The following B4GALNT2 variants were observed in gnomAD, a reference collection of about 807,000 sequenced individuals.
The protein encoded by B4GALNT2 is N-acetylneuraminylgalactosylglucosyl-glucoside beta-1,4-N- acetylgalactosaminyltransferase 2.
A neutral mutation model predicts 51.1 loss-of-function variants in B4GALNT2; 42 were observed. The observed-to-expected ratio is 0.82, with a 90% confidence interval of 0.64 to 1.06. B4GALNT2 has a LOEUF of 1.06. Among genes scored for constraint, B4GALNT2 ranks in the 50% least tolerant of loss-of-function variants. The probability of loss-of-function intolerance (pLI) is 0.00; values close to 1 mark genes in which losing one functional copy is unlikely to be tolerated. For missense variants in B4GALNT2, 602 were observed against 633.6 expected (o/e 0.95, Z 0.54); for synonymous variants, 253 against 251.7 (o/e 1.01, Z -0.05).
At chr17:49,152,695 T>C in intron 3 of B4GALNT2, 105 bp from the exon 4 acceptor site, 1 of 763,804 alleles carries the variant, frequency 1.3e-6, no homozygotes, top group Non-Finnish European at 2.0e-6. Context: ...AATTTTGATT[T>C]CTCCATATTG....
chr17:49,120,881 C>T, the B4GALNT2 span, among the ~76,000 whole-genome samples: 23,732 of 151,988 alleles, frequency 0.16, 2,041 homozygotes, highest in South Asian at 0.26. Flanking sequence ...CACTGAGATC[C>T]TAGGGCAATC....
At chr17:49,168,297 A>G (rs143689537) in intron 9 of B4GALNT2, among the ~76,000 whole-genome samples, 1 of 152,326 alleles carries the variant, frequency 6.6e-6, no homozygotes, top group African/African-American at 2.4e-5. Flanking sequence ...TCCCTGCAAG[A>G]AATCTAGCAA....
At position 49,171,036 on chromosome 17, in the gene B4GALNT2, C is replaced by T. The variant is rs1224718469; in HGVS notation, c.*1308C>T. 1.8e-5 allele frequency: 3 copies of T among 162,694 alleles called. No homozygotes were observed. Among genetic ancestry groups the T allele is most frequent in the African/African-American group, 7.2e-5 (3 of 41,472 alleles). The allele number at this position is 162,694 out of a possible 1,614,324, so 10.1% of individuals were successfully genotyped here. The stretch of plus-strand genomic sequence containing the variant: ...TTCCTTGCCCTTATTCTGATAAACC[C>T]ACAACCTTCAGTTTGGGCATCATGG... On this transcript the variant is annotated 3_prime_UTR_variant, in exon 11 of 11. Transcript: ENST00000393354.
At position 49,176,615 on chromosome 17, in the gene B4GALNT2, C is replaced by G. The variant is rs2042990470; in HGVS notation, c.*6887C>G. 6.6e-6 allele frequency: 1 copy of G among 152,218 alleles called. No individual in the cohort carries two copies. The highest frequency in any genetic ancestry group is 1.5e-5 in the Non-Finnish European group (1 of 68,052). The allele number at this position is 152,218 out of a possible 1,614,324, so 9.4% of individuals were successfully genotyped here. A position where few individuals can be genotyped will look rare whatever the true frequency, so the allele number is the denominator to read the frequency against. On this transcript the variant is annotated 3_prime_UTR_variant, in exon 11 of 11. Transcript: ENST00000393354. ...CCTTCAGTGTGTGCATCATGGCCAT[C>G]ATGAACATGTCACAGTGCTGCAGAG...
At chr17:49,126,495 AT>A in the B4GALNT2 span, among the ~76,000 whole-genome samples, 1 of 134,896 alleles carries the variant, frequency 7.4e-6, no homozygotes, top group Non-Finnish European at 1.7e-5. Context: ...AGAATGATCA[AT>A]AAAAAAAAAA....
chr17:49,169,085 C>T (rs897826344), intron 10 of B4GALNT2, among the ~76,000 whole-genome samples, 185 bp downstream of exon 10: 3 of 152,090 alleles, frequency 2.0e-5, no homozygotes, highest in Non-Finnish European at 4.4e-5. Flanking sequence ...TCCCTCCTCA[C>T]GTCTCTTTGA....
upstream of B4GALNT2, among the ~76,000 whole-genome samples, chr17:49,132,261 CAG>C (rs1257669174): frequency 7.2e-5 from 11 of 152,198 alleles, no homozygotes; most frequent in Non-Finnish European, 1.3e-4. Flanking sequence ...TGAAGTTCAA[CAG>C]ACTCTTTCTT....
Position 49,169,583 on chromosome 17 carries a change from G to A in B4GALNT2, c.1376G>A (p.Gly459Asp), listed in dbSNP as rs764010034. ...LVGSCPEVIIGHQSRSPVVDS... is the reference protein window; with the variant it reads ...LVGSCPEVIIDHQSRSPVVDS... ...GGGTCATGCCCAGAAGTGATTATAG[G>A]TCACCAGTCTCGGTCTCCAGTGGTG... Residue 459 changes from glycine (G) to aspartate (D), a missense_variant, in exon 11 of 11, where the codon GGT becomes GAT. Physicochemically the swap from Gly to Asp is moderately conservative, Grantham distance 94. Coordinates refer to ENST00000393354, the MANE Select transcript of B4GALNT2 (RefSeq NM_001159387.2). 2.5e-6 allele frequency: 4 copies of A among 1,612,978 alleles called. No individual in the cohort carries two copies. Among genetic ancestry groups the A allele is most frequent in the Non-Finnish European group, 3.4e-6 (4 of 1,180,012 alleles).
At chr17:49,159,302 G>A in intron 6 of B4GALNT2, 85 bp downstream of exon 6, 1 of 1,405,830 alleles carries the variant, frequency 7.1e-7, no homozygotes, top group Non-Finnish European at 9.8e-7. Flanking sequence ...CCTTCAGGAA[G>A]CCTTCCTGTT....
chr17:49,162,786 G>A (rs1431328182), intron 7 of B4GALNT2, among the ~76,000 whole-genome samples: 3 of 151,698 alleles, frequency 2.0e-5, no homozygotes, highest in Admixed American at 6.6e-5. Flanking sequence ...GGTGGTGCAC[G>A]TCTGTAGTCC....
In B4GALNT2 at chr17:49,141,325, G is replaced by A; in HGVS notation, c.93G>A (p.Met31Ile). 1.2e-6 allele frequency: 2 copies of A among 1,614,110 alleles called. No individual in the cohort carries two copies. Among genetic ancestry groups the A allele is most frequent in the Non-Finnish European group, 1.7e-6 (2 of 1,179,970 alleles). ...LGIVGFMFGS[M>I]FLQAVFSSPK... is the part of the protein sequence containing the mutation. ...TTGTTGGATTTATGTTCGGAAGCAT[G>A]TTCCTTCAAGCAGTGTTCAGCAGCC... Residue 31 changes from methionine (M) to isoleucine (I), a missense_variant, in exon 2 of 11, where the codon ATG becomes ATA. Physicochemically the swap from Met to Ile is conservative, Grantham distance 10. Transcript: ENST00000393354.
chr17:49,148,334 C>A, intron 3 of B4GALNT2: 1 of 361,514 alleles, frequency 2.8e-6, no homozygotes, highest in South Asian at 2.1e-5. Context: ...AAGTCCTCTC[C>A]AATTTTACTG....
At chr17:49,156,520 A>C in intron 4 of B4GALNT2, 46 bp from the exon 5 acceptor site, 1 of 1,607,512 alleles carries the variant, frequency 6.2e-7, no homozygotes, top group East Asian at 2.2e-5. Context: ...GGGAGCTGCG[A>C]TGTCTTTCAT....
At position 49,168,723 on chromosome 17, in the gene B4GALNT2, T is replaced by A. The variant is rs2042933053; in HGVS notation, c.1138T>A (p.Leu380Met). 6.2e-7 allele frequency: 1 copy of A among 1,614,032 alleles called. No individual in the cohort carries two copies. Among genetic ancestry groups the A allele is most frequent in the South Asian group, 1.1e-5 (1 of 91,066 alleles). The change falls in exon 10 of 11, where the codon TTG becomes ATG. Residue 380 changes from leucine (L) to methionine (M), a missense_variant. Coordinates refer to ENST00000393354, the MANE Select transcript of B4GALNT2 (RefSeq NM_001159387.2). ...GGGAAATGTGTTCCAGTTTAAGTTG[T>A]TGCTGGAACAGAGTGAGAATGGGGC... Reference protein sequence around the residue: ...VLGNVFQFKLLLEQSENGACL... With the variant: ...VLGNVFQFKLMLEQSENGACL...
At chr17:49,143,383 G>C (rs1357595114) in intron 3 of B4GALNT2, among the ~76,000 whole-genome samples, 1 of 152,182 alleles carries the variant, frequency 6.6e-6, no homozygotes, top group Admixed American at 6.5e-5. Flanking sequence ...AGGATGCTGG[G>C]GCCTTACCAA....
the B4GALNT2 span, among the ~76,000 whole-genome samples, chr17:49,125,847 C>T: frequency 2.3e-5 from 3 of 132,046 alleles, no homozygotes; most frequent in African/African-American, 8.2e-5. Flanking sequence ...CCCCTCTGCC[C>T]GGCCAGCCAC....
chr17:49,132,009 G>T (rs926112337), upstream of B4GALNT2, among the ~76,000 whole-genome samples: 7 of 152,058 alleles, frequency 4.6e-5, no homozygotes, highest in South Asian at 1.5e-3. Flanking sequence ...AGGTGCGGTC[G>T]TGGGTGCCTG....
At position 49,172,028 on chromosome 17, in the gene B4GALNT2, G is replaced by A. The variant is rs960332610; in HGVS notation, c.*2300G>A. ...ATAACTGTTCTCTGTGTTGTTCCTT[G>A]TTGAAGGAATACTCATGGCAATGGT... On this transcript the variant is annotated 3_prime_UTR_variant, in exon 11 of 11. Transcript: ENST00000393354. 3 of 253,668 alleles carry A rather than the reference G, an allele frequency of 1.2e-5. No individual in the cohort carries two copies. The highest frequency in any genetic ancestry group is 2.2e-5 in the Non-Finnish European group (3 of 133,612). The allele number at this position is 253,668 out of a possible 1,614,324, so 15.7% of individuals were successfully genotyped here. A position where few individuals can be genotyped will look rare whatever the true frequency, so the allele number is the denominator to read the frequency against.
In B4GALNT2 at chr17:49,132,814, TC is replaced by T. The variant is rs2042551303; in HGVS notation, c.14+12del. On this transcript the variant is annotated intron_variant, in intron 1 of 10. Transcript: ENST00000393354. ...CGGGATGACTTCGGGCGGGTGAGTG[TC>T]CCCGGGGCAGAGCAGAGCGAGAGGT... The T allele has an allele frequency of 2.2e-6, 3 of 1,368,020 alleles. No homozygotes were observed. Among genetic ancestry groups the T allele is most frequent in the South Asian group, 1.8e-5 (1 of 54,108 alleles). 84.7% of individuals were successfully genotyped at this position (1,368,020 alleles called of 1,614,324 possible). A position where few individuals can be genotyped will look rare whatever the true frequency, so the allele number is the denominator to read the frequency against.
Sources: gnomAD v4.1 joint callset for allele counts (sites outside exome capture counted in the v4.1 genomes callset) on GRCh38, gnomAD v4.1.1 for gene constraint, MANE v1.5 for transcripts, NCBI Gene and HGNC (gene_info 2026-07-23, HGNC 2026-07-21) for gene names.